ARID4A: variants seen among roughly 807,000 people sequenced by gnomAD.
ARID4A encodes the protein AT-rich interactive domain-containing protein 4A.
In ARID4A, 39 loss-of-function variants were observed where a neutral mutation model predicts 148.6. The ratio of observed to expected loss-of-function variants is 0.26; its 90% CI spans 0.20 to 0.34. ARID4A has a LOEUF of 0.34. ARID4A is among the 10% of genes least tolerant of loss of function. The probability of loss-of-function intolerance (pLI) is 1.00; values close to 1 mark genes in which losing one functional copy is unlikely to be tolerated. For synonymous variants in ARID4A, 475 were observed against 481.2 expected (o/e 0.99, Z 0.17); for missense variants, 1,265 against 1,449.1 (o/e 0.87, Z 2.06).
chr14:58,365,542 A>T lies in ARID4A; in HGVS notation c.3236A>T (p.Asn1079Ile). Residue 1079 changes from asparagine to isoleucine, a missense_variant, in exon 21 of 24, where the codon AAT becomes ATT. By Grantham distance (149) the Asn-to-Ile change is moderately radical (BLOSUM62 -3). Transcript: ENST00000355431. ...EKGQKRPSDG[N>I]SGLMAKKQKR... ...GGTCAGAAGAGGCCAAGTGATGGAAATAGTGGATTAATGGCAAAAAAGCAA... is the reference window on the plus strand; with the variant it reads ...GGTCAGAAGAGGCCAAGTGATGGAATTAGTGGATTAATGGCAAAAAAGCAA... The T allele has an allele frequency of 6.2e-7, 1 of 1,608,746 alleles. No homozygotes were observed. Among genetic ancestry groups the T allele is most frequent in the Non-Finnish European group, 8.5e-7 (1 of 1,178,116 alleles).
In ARID4A at chr14:58,323,553, A is replaced by T; in HGVS notation, c.518A>T (p.Glu173Val). 6.2e-7 allele frequency: 1 copy of T among 1,614,190 alleles called. No homozygotes were observed. Among genetic ancestry groups the T allele is most frequent in the Non-Finnish European group, 8.5e-7 (1 of 1,180,026 alleles). ...GAAGACAAGCGCCGTCTCAATGATG[A>T]ATTACTAGGAAAAGTTGTAAGTGTG... Reference protein sequence around the residue: ...EDEDKRRLNDELLGKVVSVVS... With the variant: ...EDEDKRRLNDVLLGKVVSVVS... Residue 173 changes from glutamate (E) to valine (V), a missense_variant, in exon 8 of 24, where the codon GAA becomes GTA. Glu to Val is a moderately radical substitution (Grantham distance 121). Around this residue, in one of 9 missense-constraint regions of ARID4A, gnomAD observed 249 missense variants for 277.2 expected, o/e 0.90. Coordinates refer to ENST00000355431, the MANE Select transcript of ARID4A (RefSeq NM_002892.4).
At chr14:58,332,001 C>CG (rs941012487) in intron 11 of ARID4A, among the ~76,000 whole-genome samples, 16 of 145,986 alleles carry the variant, frequency 1.1e-4, no homozygotes, top group Non-Finnish European at 1.8e-4. Context: ...CCCTACCCCC[C>CG]CCCCCCCAAA....
At chr14:58,300,979 A>T (rs1207274947) in intron 2 of ARID4A, among the ~76,000 whole-genome samples, 1 of 152,206 alleles carries the variant, frequency 6.6e-6, no homozygotes, top group Non-Finnish European at 1.5e-5. Flanking sequence ...TATACTAAGA[A>T]GATTAGTGTG....
Position 58,359,211 on chromosome 14 carries a change from G to A in ARID4A, c.1933G>A (p.Ala645Thr). 6.3e-7 allele frequency: 1 copy of A among 1,590,376 alleles called. No individual in the cohort carries two copies. Among genetic ancestry groups the A allele is most frequent in the African/African-American group, 1.4e-5 (1 of 72,514 alleles). ...ACCAAAGAAAAAACAGAAGAAAAAA[G>A]CTAAAGTATGTTTGTAGATTTATGT... ...GGPKKKQKKK[A>T]KNKEDSEKDE... Residue 645 changes from alanine (A) to threonine (T), a missense_variant, in exon 18 of 24, where the codon GCT (alanine) becomes ACT (threonine). This residue lies in a region of ARID4A where 666 missense variants were observed against 730.9 expected (regional missense o/e 0.91). Coordinates refer to ENST00000355431, the MANE Select transcript of ARID4A (RefSeq NM_002892.4).
At position 58,299,167 on chromosome 14, in the gene ARID4A, C is replaced by A. The variant is rs576106316; in HGVS notation, c.-58+467C>A. 5.0e-3 allele frequency among the ~76,000 whole-genome samples: 766 copies of A among 152,260 alleles called. 3 individuals are homozygous for A. The highest frequency in any genetic ancestry group is 7.7e-3 in the Non-Finnish European group (522 of 67,994). On this transcript the variant is annotated intron_variant, in intron 1 of 23. Transcript: ENST00000355431. ...GCTCCCCTCCCCTCCCACACCCTGT[C>A]CGGGCCACCTCCCCTCCTCCTCCCC... is the stretch of plus-strand genomic sequence containing the variant.
intron 17 of ARID4A, among the ~76,000 whole-genome samples, chr14:58,354,731 A>T (rs2034796661): frequency 6.6e-6 from 1 of 151,928 alleles, no homozygotes; most frequent in African/African-American, 2.4e-5. Flanking sequence ...TCCATATTGG[A>T]TCCTGTCAGG....
At chr14:58,300,462 C>T (rs532743378) in intron 2 of ARID4A, among the ~76,000 whole-genome samples, 1 of 152,252 alleles carries the variant, frequency 6.6e-6, no homozygotes, top group East Asian at 1.9e-4. Context: ...TTCTTGAATG[C>T]TGTGGCCATT....
chr14:58,360,441 A>G (rs757358751), intron 18 of ARID4A, among the ~76,000 whole-genome samples: 1 of 152,318 alleles, frequency 6.6e-6, no homozygotes, highest in Middle Eastern at 3.4e-3. Flanking sequence ...ATACTGGCCA[A>G]TTGTACCCTC....
chr14:58,330,228 A>G, intron 11 of ARID4A, 59 bp downstream of exon 11: 2 of 1,552,052 alleles, frequency 1.3e-6, no homozygotes, highest in East Asian at 2.3e-5. Flanking sequence ...TGAAAATAAT[A>G]CCTTCATATA....
At chr14:58,317,624 C>CT (rs71107933) in intron 5 of ARID4A, among the ~76,000 whole-genome samples, 9,140 of 69,860 alleles carry the variant, frequency 0.13, 1,655 homozygotes, top group African/African-American at 0.29. Context: ...TTATATTTGT[C>CT]TTTTTTTTTT....
chr14:58,328,392 A>G, intron 9 of ARID4A, 76 bp downstream of exon 9: 2 of 953,204 alleles, frequency 2.1e-6, no homozygotes, highest in South Asian at 3.0e-5. Flanking sequence ...CACCTCCCCC[A>G]CCAAAACTTT....
At chr14:58,326,734 T>G (rs2033235243) in intron 8 of ARID4A, among the ~76,000 whole-genome samples, 1 of 152,190 alleles carries the variant, frequency 6.6e-6, no homozygotes, top group African/African-American at 2.4e-5. Context: ...AAATAGTTCA[T>G]AGGTAAGGTA....
Position 58,361,036 on chromosome 14 carries a change from A to G in ARID4A, c.2074A>G (p.Lys692Glu). 6.2e-7 allele frequency: 1 copy of G among 1,613,682 alleles called. No individual in the cohort carries two copies. Among genetic ancestry groups the G allele is most frequent in the Non-Finnish European group, 8.5e-7 (1 of 1,179,814 alleles). ...GLSKTANSEG[K>E]SDSCSSDSET... The stretch of plus-strand genomic sequence containing the variant: ...ATCTAAGACAGCAAACAGTGAAGGA[A>G]AATCAGGTACCAGAAGTGCTCGCAG... Residue 692 changes from lysine (K) to glutamate (E), a missense_variant, in exon 19 of 24, where the codon AAA (lysine) becomes GAA (glutamate). Transcript: ENST00000355431.
rs775689867 is a variant in ARID4A, at chr14:58,372,016, G to A, written c.*27G>A. 49 of 1,505,774 alleles carry A rather than the reference G, an allele frequency of 3.3e-5. No individual in the cohort carries two copies. The South Asian group carries it at 5.6e-4, about 17-fold the overall frequency. 93.3% of individuals were successfully genotyped at this position (1,505,774 alleles called of 1,614,324 possible). A position where few individuals can be genotyped will look rare whatever the true frequency, so the allele number is the denominator to read the frequency against. ...AAACATTTTCTCTACCTTCCCAGCA[G>A]TTTGCTGCCATGGACATAAATCCCC... On this transcript the variant is annotated 3_prime_UTR_variant, in exon 24 of 24. Transcript: ENST00000355431.
chr14:58,304,583 G>T (rs1376620308), intron 3 of ARID4A, among the ~76,000 whole-genome samples: 1 of 152,106 alleles, frequency 6.6e-6, no homozygotes, highest in Non-Finnish European at 1.5e-5. Context: ...GTTTGATACT[G>T]TTGTTTTTCT....
chr14:58,325,075 T>G (rs902483824), intron 8 of ARID4A, among the ~76,000 whole-genome samples: 2 of 152,186 alleles, frequency 1.3e-5, no homozygotes, highest in African/African-American at 4.8e-5. Context: ...AGCTAATTTT[T>G]GCTTACACAG....
At chr14:58,353,530 T>G (rs980670584) in intron 16 of ARID4A, 128 bp from the exon 17 acceptor site, 2 of 761,172 alleles carry the variant, frequency 2.6e-6, no homozygotes, top group Non-Finnish European at 4.2e-6. Context: ...CTCCTTCTTC[T>G]CCTCCTCCAC....
At chr14:58,330,617 C>T (rs762674813) in intron 11 of ARID4A, among the ~76,000 whole-genome samples, 1 of 152,116 alleles carries the variant, frequency 6.6e-6, no homozygotes, top group Non-Finnish European at 1.5e-5. Flanking sequence ...GGGATTTGTA[C>T]TCAGGTCTGG....
At chr14:58,346,252 CAAG>C (rs2034360016) in intron 12 of ARID4A, among the ~76,000 whole-genome samples, 156 bp from the exon 13 acceptor site, 1 of 150,442 alleles carries the variant, frequency 6.6e-6, no homozygotes, top group South Asian at 2.1e-4. Context: ...TAAAACAACA[CAAG>C]AGAATTATCT....
Sources: gnomAD v4.1 joint callset for allele counts (sites outside exome capture counted in the v4.1 genomes callset) on GRCh38, gnomAD v4.1.1 for gene constraint, gnomAD v4.1.1 regional missense constraint, MANE v1.5 for transcripts, NCBI Gene and HGNC (gene_info 2026-07-23, HGNC 2026-07-21) for gene names.